Variants in PHAX observed in about 807,000 individuals in gnomAD.
PHAX encodes phosphorylated adaptor for RNA export.
In PHAX, 31 loss-of-function variants were observed where a neutral mutation model predicts 41.6. The observed-to-expected ratio is 0.75, with a 90% confidence interval of 0.56 to 1.01. The LOEUF (loss-of-function observed/expected upper bound fraction) is 1.01, where lower values mean the gene tolerates loss of function less well. Among genes scored for constraint, PHAX ranks in the 50% least tolerant of loss-of-function variants. The probability of loss-of-function intolerance (pLI) is 0.00; values close to 1 mark genes in which losing one functional copy is unlikely to be tolerated. For synonymous variants in PHAX, 175 were observed against 164.9 expected (o/e 1.06, Z -0.47); for missense variants, 453 against 472.9 (o/e 0.96, Z 0.39).
At chr5:126,616,148 A>G (rs1285130276) in intron 3 of PHAX, among the ~76,000 whole-genome samples, 5 of 150,678 alleles carry the variant, frequency 3.3e-5, no homozygotes, top group African/African-American at 4.9e-5. Flanking sequence ...GCTAGAGTGC[A>G]ATGGCACAGT....
rs1561684067 is a variant in PHAX at position 126,624,562 on chromosome 5, T to A, written c.916-13T>A. On this transcript the variant is annotated splice_polypyrimidine_tract_variant and intron_variant, in intron 4 of 4. Coordinates refer to ENST00000297540, the MANE Select transcript of PHAX (RefSeq NM_032177.4). Reference sequence around the variant, plus strand: ...GGTAGTTCTTGTTTACTAACTTTGTTCCTTTATTACAGGACATTTTCTACA... The same window carrying A: ...GGTAGTTCTTGTTTACTAACTTTGTACCTTTATTACAGGACATTTTCTACA... 3 of 1,564,806 alleles carry A rather than the reference T, an allele frequency of 1.9e-6. No homozygotes were observed. The East Asian group carries it at 6.7e-5, about 35-fold the overall frequency.
At position 126,624,748 on chromosome 5, in the gene PHAX, C is replaced by T. The variant is rs1462176189; in HGVS notation, c.1089C>T (p.Ala363=). ...TFASDTNEAL[A]SLDESQEGHA... ...CAAGTGACACGAATGAGGCCTTGGC[C>T]TCTCTTGATGAGTCACAGGAAGGAC... Residue 363 remains alanine (A), a synonymous_variant, in exon 5 of 5, where the codon GCC becomes GCT. Coordinates refer to ENST00000297540, the MANE Select transcript of PHAX (RefSeq NM_032177.4). 5 of 1,614,174 alleles carry T rather than the reference C, an allele frequency of 3.1e-6. No individual in the cohort carries two copies. The highest frequency in any genetic ancestry group is 1.1e-5 in the South Asian group (1 of 91,078).
chr5:126,617,200 C>G (rs1327058899), intron 3 of PHAX, 50 bp from the exon 4 acceptor site: 1 of 1,160,446 alleles, frequency 8.6e-7, no homozygotes, highest in Non-Finnish European at 1.3e-6. Context: ...ATGCCTTGAC[C>G]ATTTATGGGA....
chr5:126,609,343 C>T (rs565001015), intron 3 of PHAX, among the ~76,000 whole-genome samples: 2 of 151,978 alleles, frequency 1.3e-5, no homozygotes, highest in Non-Finnish European at 2.9e-5. Flanking sequence ...TTAGGCAATC[C>T]ACCCAGCTCG....
At chr5:126,622,215 C>T (rs1265592450) in intron 4 of PHAX, among the ~76,000 whole-genome samples, 4 of 151,974 alleles carry the variant, frequency 2.6e-5, no homozygotes, top group Admixed American at 6.6e-5. Context: ...CTCACTGCAA[C>T]CTCTGCCTCC....
chr5:126,607,178 C>T (rs957168749), intron 2 of PHAX, among the ~76,000 whole-genome samples: 7 of 152,100 alleles, frequency 4.6e-5, no homozygotes, highest in Non-Finnish European at 8.8e-5. Flanking sequence ...CCTATCTGAA[C>T]ACCAGTACTT....
intron 4 of PHAX, among the ~76,000 whole-genome samples, chr5:126,620,100 G>C (rs2112837573): frequency 6.6e-6 from 1 of 152,214 alleles, no homozygotes; most frequent in South Asian, 2.1e-4. Context: ...TTTTCTGGCT[G>C]TTCTCTTAAC....
intron 4 of PHAX, among the ~76,000 whole-genome samples, chr5:126,624,008 G>GT (rs543154844): frequency 0.22 from 28,948 of 130,168 alleles, 5,064 homozygotes; most frequent in African/African-American, 0.47. Context: ...TTGGTTTTGG[G>GT]TTTTTTTTTT....
In PHAX at chr5:126,604,274, C is replaced by CTTTTTTTTTTTTTT. The variant is rs57270218; in HGVS notation, c.710+97_710+110dup. The CTTTTTTTTTTTTTT allele has an allele frequency of 2.2e-4, 142 of 645,804 alleles. 10 individuals are homozygous for CTTTTTTTTTTTTTT. The African/African-American group carries it at 3.2e-3, about 15-fold the overall frequency. 40.0% of individuals were successfully genotyped at this position (645,804 alleles called of 1,614,324 possible). The stretch of plus-strand genomic sequence containing the variant: ...TGCCAAATACTTTAATGATATGTTC[C>CTTTTTTTTTTTTTT]TTTTTTTTTTTTTTTTTTTGGAGAC... On this transcript the variant is annotated intron_variant, in intron 2 of 4. Coordinates refer to ENST00000297540, the MANE Select transcript of PHAX (RefSeq NM_032177.4).
At chr5:126,605,364 G>T (rs1004054955) in intron 2 of PHAX, among the ~76,000 whole-genome samples, 2 of 151,840 alleles carry the variant, frequency 1.3e-5, no homozygotes, top group African/African-American at 4.8e-5. Context: ...GGATAATTTG[G>T]TTATATGAAT....
chr5:126,606,086 A>G (rs918576592), intron 2 of PHAX, among the ~76,000 whole-genome samples: 1 of 152,176 alleles, frequency 6.6e-6, no homozygotes. Flanking sequence ...GATATTTCAT[A>G]TAAATGGTGT....
intron 4 of PHAX, among the ~76,000 whole-genome samples, chr5:126,618,649 CAA>C (rs1177291827): frequency 6.7e-6 from 1 of 148,666 alleles, no homozygotes; most frequent in African/African-American, 2.5e-5. Flanking sequence ...TTTTTGGAAA[CAA>C]AGTCTTTTTT....
intron 3 of PHAX, among the ~76,000 whole-genome samples, chr5:126,612,106 ATAT>A (rs1229886953): frequency 6.6e-6 from 1 of 152,122 alleles, no homozygotes; most frequent in African/African-American, 2.4e-5. Flanking sequence ...AAAATAAATA[ATAT>A]TTGAATGTAC....
chr5:126,624,822 C>T lies in PHAX; in HGVS notation c.1163C>T (p.Ser388Phe). 6.2e-7 allele frequency: 1 copy of T among 1,608,970 alleles called. No homozygotes were observed. Among genetic ancestry groups the T allele is most frequent in the Non-Finnish European group, 8.5e-7 (1 of 1,178,458 alleles). The change falls in exon 5 of 5, where the codon TCT (serine) becomes TTT (phenylalanine). Residue 388 changes from serine to phenylalanine, a missense_variant. Coordinates refer to ENST00000297540, the MANE Select transcript of PHAX (RefSeq NM_032177.4). The part of the protein sequence containing the change: ...EAEEAIEVDH[S>F]HDLDIF ...GAGGAAGCCATTGAAGTTGATCATTCTCATGATTTGGACATCTTTTAAGTA... is the reference window on the plus strand; with the variant it reads ...GAGGAAGCCATTGAAGTTGATCATTTTCATGATTTGGACATCTTTTAAGTA...
chr5:126,617,089 C>T (rs995464582), intron 3 of PHAX, 161 bp from the exon 4 acceptor site: 13 of 432,252 alleles, frequency 3.0e-5, no homozygotes, highest in African/African-American at 1.6e-4. Flanking sequence ...ACTCATATTT[C>T]GGTAATTTAC....
In PHAX at chr5:126,627,063, AATG is replaced by A. The variant is rs1285299327; in HGVS notation, c.*2220_*2222del. The A allele has an allele frequency of 6.6e-6, 1 of 152,088 alleles. No individual in the cohort carries two copies. The highest frequency in any genetic ancestry group is 6.5e-5 in the Admixed American group (1 of 15,270). 9.4% of individuals were successfully genotyped at this position (152,088 alleles called of 1,614,324 possible). A position where few individuals can be genotyped will look rare whatever the true frequency, so the allele number is the denominator to read the frequency against. On this transcript the variant is annotated 3_prime_UTR_variant, in exon 5 of 5. Transcript: ENST00000297540. ...AAATATGCTTGATATATTAAGCAGA[AATG>A]TTGTATATTAAGCAAAAATGTAAAA...
chr5:126,616,517 T>C (rs1046402827), intron 3 of PHAX, among the ~76,000 whole-genome samples: 3 of 152,184 alleles, frequency 2.0e-5, no homozygotes, highest in African/African-American at 7.2e-5. Context: ...GCTTCACTGA[T>C]CATTCTAGTT....
chr5:126,624,013 T>C (rs1752310584), intron 4 of PHAX, among the ~76,000 whole-genome samples: 1 of 149,722 alleles, frequency 6.7e-6, no homozygotes, highest in Non-Finnish European at 1.5e-5. Flanking sequence ...TTTGGGTTTT[T>C]TTTTTTTTTT....
Position 126,608,438 on chromosome 5 carries a change from T to C in PHAX, c.785T>C (p.Leu262Pro), listed in dbSNP as rs1052888900. 1 of 1,613,836 alleles carries C rather than the reference T, an allele frequency of 6.2e-7. No homozygotes were observed. The highest frequency in any genetic ancestry group is 1.3e-5 in the African/African-American group (1 of 74,934). The change falls in exon 3 of 5, where the codon CTG (leucine) becomes CCG (proline). Residue 262 changes from leucine to proline, a missense_variant. Physicochemically the swap from Leu to Pro is moderately conservative, Grantham distance 98. Coordinates refer to ENST00000297540, the MANE Select transcript of PHAX (RefSeq NM_032177.4). ...IIGNKKAIELLMETAEVEQNG... is the reference protein window; with the variant it reads ...IIGNKKAIELPMETAEVEQNG... ...GGTAACAAAAAGGCAATTGAACTTC[T>C]GATGGAAACCGCTGAAGTTGAACAA...
Sources: gnomAD v4.1 joint callset for allele counts (sites outside exome capture counted in the v4.1 genomes callset) on GRCh38, gnomAD v4.1.1 for gene constraint, MANE v1.5 for transcripts, NCBI Gene and HGNC (gene_info 2026-07-23, HGNC 2026-07-21) for gene names.